Variants in SLA observed in about 807,000 individuals in gnomAD.
SLA encodes the protein Src like adaptor, also known as src-like-adapter.
In SLA, 16 loss-of-function variants were observed where a neutral mutation model predicts 30.3. The observed-to-expected ratio is 0.53, with a 90% CI of 0.36 to 0.80. The LOEUF is 0.80. SLA is among the 30% of genes least tolerant of loss of function. The pLI is 0.01. For synonymous variants in SLA, 143 were observed against 137.8 expected (o/e 1.04, Z -0.26); for missense variants, 310 against 345.2 (o/e 0.90, Z 0.81).
In SLA at chr8:133,080,835, G is replaced by A. The variant is rs1401372835; in HGVS notation, c.-318-5705C>T. The stretch of plus-strand genomic sequence containing the variant: ...GCCTTTCCCCCTGCAAGGGCATGGG[G>A]CAGGTCCCTTCAGGCCCAACCCAGT... On this transcript the variant is annotated intron_variant, in intron 1 of 8. Coordinates refer to ENST00000338087, the MANE Select transcript of SLA (RefSeq NM_001045556.3). Among the ~76,000 whole-genome samples the A allele has an allele frequency of 4.6e-5, 7 of 152,174 alleles. No homozygotes were observed. In the East Asian group the frequency reaches 1.4e-3, roughly 29 times the overall value.
At chr8:133,048,655 A>G (rs1839899189) in intron 5 of SLA, 1 of 156,814 alleles carries the variant, frequency 6.4e-6, no homozygotes, top group Non-Finnish European at 1.4e-5. Flanking sequence ...TCACATCTTC[A>G]GCATGAAGGC....
intron 3 of SLA, chr8:133,059,117 A>G: frequency 2.2e-6 from 1 of 456,314 alleles, no homozygotes. Flanking sequence ...CTCGGCAGAC[A>G]GGGCAGCCAT....
intron 3 of SLA, chr8:133,058,961 A>C (rs1841954930): frequency 2.1e-6 from 1 of 479,482 alleles, no homozygotes. Flanking sequence ...GCTTGGGGGC[A>C]TTGGAGGCCA....
At position 133,102,562 on chromosome 8, in the gene SLA, A is replaced by G. The variant is rs1849403793; in HGVS notation, c.-328T>C. ...AAAGTTAGCAACCTACCGGTGGAGCATCAGGGCTGCCTGAGATGTTCTCCA... is the reference window on the plus strand; with the variant it reads ...AAAGTTAGCAACCTACCGGTGGAGCGTCAGGGCTGCCTGAGATGTTCTCCA... On this transcript the variant is annotated 5_prime_UTR_variant, in exon 1 of 9. The change abolishes an upstream ATG in the 5' untranslated region. Transcript: ENST00000338087. 1 of 1,551,662 alleles carries G rather than the reference A, an allele frequency of 6.4e-7. No individual in the cohort carries two copies. The highest frequency in any genetic ancestry group is 8.7e-7 in the Non-Finnish European group (1 of 1,146,920).
chr8:133,073,717 A>T (rs1160738887), intron 2 of SLA, among the ~76,000 whole-genome samples: 2 of 152,016 alleles, frequency 1.3e-5, no homozygotes, highest in African/African-American at 4.8e-5. Context: ...TTTTTCCTAA[A>T]GTCAAGGGCA....
chr8:133,049,377 T>C, intron 5 of SLA: 1 of 312,224 alleles, frequency 3.2e-6, no homozygotes, highest in Non-Finnish European at 6.5e-6. Flanking sequence ...ATGCCTGGCA[T>C]TGCTCCAAGA....
chr8:133,065,539 A>G (rs999723928), intron 2 of SLA, among the ~76,000 whole-genome samples: 3 of 152,190 alleles, frequency 2.0e-5, no homozygotes. Context: ...AGGCAGGTGG[A>G]TCACGTCAGG....
intron 7 of SLA, among the ~76,000 whole-genome samples, chr8:133,041,689 A>C (rs894243189): frequency 2.0e-5 from 3 of 152,150 alleles, no homozygotes; most frequent in African/African-American, 7.2e-5. Context: ...GACAAAGAGC[A>C]AAAGAACCAC....
At chr8:133,084,815 A>G (rs1481389877) in intron 1 of SLA, among the ~76,000 whole-genome samples, 1 of 152,234 alleles carries the variant, frequency 6.6e-6, no homozygotes, top group East Asian at 1.9e-4. Flanking sequence ...ACAGTTCTAC[A>G]GCTAGACCAC....
intron 3 of SLA, among the ~76,000 whole-genome samples, chr8:133,057,876 G>T (rs1398113306): frequency 6.6e-6 from 1 of 152,154 alleles, no homozygotes; most frequent in Admixed American, 6.5e-5. Context: ...CAGAAAACAT[G>T]GTTGTCTAAA....
At chr8:133,064,900 C>T (rs189217714) in intron 2 of SLA, among the ~76,000 whole-genome samples, 83 of 152,210 alleles carry the variant, frequency 5.5e-4, no homozygotes, top group South Asian at 8.3e-4. Context: ...ACCCCTTTAT[C>T]GTGCACCGAA....
chr8:133,100,597 TTAC>T (rs1375693441), intron 1 of SLA, among the ~76,000 whole-genome samples: 1 of 152,214 alleles, frequency 6.6e-6, no homozygotes, highest in East Asian at 1.9e-4. Context: ...GGGATTATTA[TTAC>T]TATTTTTCAG....
intron 6 of SLA, chr8:133,047,012 T>C (rs1839549581): frequency 6.6e-6 from 1 of 152,168 alleles, no homozygotes; most frequent in South Asian, 2.1e-4. Context: ...AAAAAGTTAT[T>C]ATTATTATTC....
chr8:133,067,526 A>G (rs1454070033), intron 2 of SLA, among the ~76,000 whole-genome samples: 9 of 152,164 alleles, frequency 5.9e-5, no homozygotes, highest in Admixed American at 6.5e-5. Flanking sequence ...CTGGAATCCC[A>G]GCATGTTGGG....
At chr8:133,042,954 A>G (rs1452602672) in intron 7 of SLA, among the ~76,000 whole-genome samples, 2 of 149,510 alleles carry the variant, frequency 1.3e-5, no homozygotes, top group Non-Finnish European at 3.0e-5. Flanking sequence ...TCAGCCTCCC[A>G]AAGTGCTGGA....
chr8:133,052,515 TC>T (rs1840606168), intron 3 of SLA, among the ~76,000 whole-genome samples: 1 of 152,150 alleles, frequency 6.6e-6, no homozygotes, highest in African/African-American at 2.4e-5. Context: ...CTGCAGACCT[TC>T]CCCAAACCTG....
chr8:133,093,069 A>G (rs1847820375), intron 1 of SLA, among the ~76,000 whole-genome samples: 2 of 151,752 alleles, frequency 1.3e-5, no homozygotes, highest in African/African-American at 4.9e-5. Flanking sequence ...GCTGTTTGCT[A>G]TTCAGAACAC....
chr8:133,063,350 TC>T (rs1326229243), intron 2 of SLA, among the ~76,000 whole-genome samples: 1 of 150,334 alleles, frequency 6.7e-6, no homozygotes, highest in East Asian at 2.0e-4. Flanking sequence ...GTCTGATCTC[TC>T]CCCTCCTTTA....
Position 133,045,055 on chromosome 8 carries a change from G to A in SLA, c.413C>T (p.Pro138Leu). The A allele has an allele frequency of 1.2e-6, 2 of 1,614,142 alleles. No individual in the cohort carries two copies. The highest frequency in any genetic ancestry group is 1.7e-6 in the Non-Finnish European group (2 of 1,180,002). Residue 138 changes from proline to leucine, a missense_variant, in exon 7 of 9, where the codon CCC becomes CTC. Physicochemically the swap from Pro to Leu is moderately conservative, Grantham distance 98 (BLOSUM62 -3). Coordinates refer to ENST00000338087, the MANE Select transcript of SLA (RefSeq NM_001045556.3). ...CGGGGAAATGTAGTACCAGTTGTTGGGCAGACGGAAAATGCGGTAATGCTT... is the reference window on the plus strand; with the variant it reads ...CGGGGAAATGTAGTACCAGTTGTTGAGCAGACGGAAAATGCGGTAATGCTT... Reference protein sequence around the residue: ...QVKHYRIFRLPNNWYYISPRL... With the variant: ...QVKHYRIFRLLNNWYYISPRL...
Sources: allele counts gnomAD v4.1 joint callset (sites outside exome capture counted in the v4.1 genomes callset), GRCh38; gene constraint gnomAD v4.1.1; transcripts MANE v1.5; gene names NCBI Gene and HGNC (gene_info 2026-07-23, HGNC 2026-07-21).